DEPDC7: variants seen among roughly 807,000 people sequenced by gnomAD.
DEPDC7 encodes DEP domain containing 7, also known as DEP domain-containing protein 7.
A neutral mutation model predicts 56.6 loss-of-function variants in DEPDC7; 41 were observed. The ratio of observed to expected loss-of-function variants is 0.72; its 90% CI spans 0.56 to 0.94. The LOEUF (loss-of-function observed/expected upper bound fraction) is 0.94. DEPDC7 is among the 40% of genes least tolerant of loss of function. DEPDC7 has a pLI of 0.00. For synonymous variants in DEPDC7, 185 were observed against 208.8 expected, an observed-to-expected ratio of 0.89 and a Z score of 0.98; for missense variants, 522 against 596.3, an observed-to-expected ratio of 0.88 and a Z score of 1.30.
chr11:33,032,546 A>T, intron 6 of DEPDC7, 68 bp downstream of exon 6: 5 of 1,436,498 alleles, frequency 3.5e-6, no homozygotes, highest in Non-Finnish European at 3.7e-6. Flanking sequence ...GTATTAGATT[A>T]TTCCATCTTC....
At position 33,033,309 on chromosome 11, in the gene DEPDC7, A is replaced by G. The variant is rs1256967076; in HGVS notation, c.1390A>G (p.Thr464Ala). 2 of 1,607,036 alleles carry G rather than the reference A, an allele frequency of 1.2e-6. No individual in the cohort carries two copies. Among genetic ancestry groups the G allele is most frequent in the Non-Finnish European group, 1.7e-6 (2 of 1,178,034 alleles). Residue 464 changes from threonine (T) to alanine (A), a missense_variant, in exon 9 of 9, where the codon ACA (threonine) becomes GCA (alanine). Transcript: ENST00000241051. ...RIDQRDYSNN[T>A]EKTTKDELLN... ...TGATCAACGTGACTATTCCAACAAT[A>G]CAGAGAAGACAACCAAAGATGAGCT... is the stretch of plus-strand genomic sequence containing the variant.
chr11:33,030,965 TG>T (rs1198677917), intron 4 of DEPDC7, among the ~76,000 whole-genome samples: 1 of 152,198 alleles, frequency 6.6e-6, no homozygotes. Context: ...GACAGAGGTC[TG>T]AAGTAAGCAA....
intron 2 of DEPDC7, among the ~76,000 whole-genome samples, chr11:33,027,442 A>C (rs1853590447): frequency 6.6e-6 from 1 of 152,214 alleles, no homozygotes; most frequent in African/African-American, 2.4e-5. Flanking sequence ...GCATTTTTAA[A>C]CTGGTGACTA....
At chr11:33,026,418 G>A in intron 2 of DEPDC7, 1 of 295,176 alleles carries the variant, frequency 3.4e-6, no homozygotes, top group South Asian at 3.7e-5. Context: ...CAGAATTGTG[G>A]AATCCAGTGA....
At chr11:33,031,156 A>T (rs985634312) in intron 4 of DEPDC7, among the ~76,000 whole-genome samples, 1 of 152,212 alleles carries the variant, frequency 6.6e-6, no homozygotes, top group Non-Finnish European at 1.5e-5. Flanking sequence ...TTTCGTGAAA[A>T]AGGAAAAAGT....
chr11:33,017,084 G>A (rs550209672), intron 1 of DEPDC7, among the ~76,000 whole-genome samples: 2 of 152,228 alleles, frequency 1.3e-5, no homozygotes, highest in Non-Finnish European at 2.9e-5. Flanking sequence ...AAATGCTAAC[G>A]ACAGATTATG....
chr11:33,030,040 G>A (rs11032101), intron 4 of DEPDC7, among the ~76,000 whole-genome samples: 61,169 of 151,858 alleles, frequency 0.4, 12,504 homozygotes, highest in East Asian at 0.46. Context: ...GCTCCCTGCA[G>A]CCTCCGCCTC....
intron 1 of DEPDC7, 116 bp downstream of exon 1, chr11:33,016,144 C>T (rs1193101798): frequency 3.2e-6 from 4 of 1,234,966 alleles, no homozygotes; most frequent in Non-Finnish European, 4.0e-6. Context: ...TGTCAACGGC[C>T]GGCTGGGCGA....
At chr11:33,022,973 T>G (rs188043145) in intron 1 of DEPDC7, among the ~76,000 whole-genome samples, 1 of 152,224 alleles carries the variant, frequency 6.6e-6, no homozygotes, top group East Asian at 1.9e-4. Context: ...AAAAACAATC[T>G]TGCTTATTTT....
intron 1 of DEPDC7, among the ~76,000 whole-genome samples, chr11:33,017,578 G>A (rs1330033241): frequency 1.3e-5 from 2 of 152,144 alleles, no homozygotes; most frequent in Non-Finnish European, 2.9e-5. Flanking sequence ...CACTCGTTTT[G>A]CTTGCTACCG....
Position 33,025,849 on chromosome 11 carries a change from A to C in DEPDC7, c.264A>C (p.Val88=). The change falls in exon 2 of 9, where the codon GTA becomes GTC. Residue 88 remains valine (V), a synonymous_variant. Coordinates refer to ENST00000241051, the MANE Select transcript of DEPDC7 (RefSeq NM_001077242.2). ...HLIQNKYFGD[V]DIPRAKVVRV... The stretch of plus-strand genomic sequence containing the variant: ...TTCAGAATAAGTATTTTGGTGATGT[A>C]GATATTCCTCGAGCCAAAGTGGTGA... The C allele has an allele frequency of 6.2e-7, 1 of 1,614,208 alleles. No homozygotes were observed. The highest frequency in any genetic ancestry group is 8.5e-7 in the Non-Finnish European group (1 of 1,180,024).
chr11:33,020,031 C>G (rs1005456509), intron 1 of DEPDC7, among the ~76,000 whole-genome samples: 10 of 152,062 alleles, frequency 6.6e-5, no homozygotes, highest in African/African-American at 2.2e-4. Flanking sequence ...TGATCTACTT[C>G]TAAAGATTTA....
intron 1 of DEPDC7, among the ~76,000 whole-genome samples, chr11:33,021,656 G>C (rs1457016097): frequency 6.6e-6 from 1 of 152,210 alleles, no homozygotes; most frequent in Non-Finnish European, 1.5e-5. Context: ...ACATGAGCTA[G>C]TTTGTGGGTG....
chr11:33,021,965 G>A (rs12365886), intron 1 of DEPDC7, among the ~76,000 whole-genome samples: 21,706 of 152,036 alleles, frequency 0.14, 1,957 homozygotes, highest in Middle Eastern at 0.22. Context: ...CCCTCTCACC[G>A]CCCTCTTCAG....
At chr11:33,033,049 G>C (rs1853650252) in intron 8 of DEPDC7, 82 bp downstream of exon 8, 1 of 1,189,260 alleles carries the variant, frequency 8.4e-7, no homozygotes, top group African/African-American at 1.5e-5. Context: ...ATAAGTAGTT[G>C]GACTTTAATT....
chr11:33,017,976 C>T (rs1302089705), intron 1 of DEPDC7, among the ~76,000 whole-genome samples: 1 of 152,198 alleles, frequency 6.6e-6, no homozygotes, highest in East Asian at 1.9e-4. Context: ...AAGTACTTCC[C>T]ATATGCTGTC....
At chr11:33,021,116 T>G (rs1237015734) in intron 1 of DEPDC7, among the ~76,000 whole-genome samples, 2 of 151,896 alleles carry the variant, frequency 1.3e-5, no homozygotes, top group Non-Finnish European at 2.9e-5. Context: ...CTGCACGTGG[T>G]GGCGCGTGCC....
At position 33,032,694 on chromosome 11, in the gene DEPDC7, G is replaced by A. The variant is rs750457278; in HGVS notation, c.1164G>A (p.Arg388=). Residue 388 remains arginine (R), a synonymous_variant, in exon 7 of 9, where the codon AGG becomes AGA. Transcript: ENST00000241051. ...GTGACAACCGAATGGTTGTGAAAAG[G>A]ATATTCTCAAAAGCTATTGTTGACA... ...KESDNRMVVK[R]IFSKAIVDNK... 6.3e-7 allele frequency: 1 copy of A among 1,599,292 alleles called. No individual in the cohort carries two copies. Among genetic ancestry groups the A allele is most frequent in the African/African-American group, 1.3e-5 (1 of 74,298 alleles).
chr11:33,033,177 A>G, intron 8 of DEPDC7, 85 bp from the exon 9 acceptor site: 1 of 1,142,730 alleles, frequency 8.8e-7, no homozygotes, highest in Non-Finnish European at 1.2e-6. Flanking sequence ...GAAGAAAAAC[A>G]TAAAGACAAG....
Sources: allele counts gnomAD v4.1 joint callset (sites outside exome capture counted in the v4.1 genomes callset), GRCh38; gene constraint gnomAD v4.1.1; transcripts MANE v1.5; gene names NCBI Gene and HGNC (gene_info 2026-07-23, HGNC 2026-07-21).